FAT3: variants seen among roughly 807,000 people sequenced by gnomAD.
The protein encoded by FAT3 is FAT atypical cadherin 3, also known as protocadherin Fat 3.
In FAT3, 95 loss-of-function variants were observed where a neutral mutation model predicts 310.2. The ratio of observed to expected loss-of-function variants is 0.31; its 90% confidence interval spans 0.26 to 0.36. The LOEUF is 0.36. Among genes scored for constraint, FAT3 ranks in the 10% least tolerant of loss-of-function variants. The probability of loss-of-function intolerance (pLI) is 1.00; values close to 1 mark genes in which losing one functional copy is unlikely to be tolerated. For missense variants in FAT3, 5,408 were observed against 5,715.6 expected (o/e 0.95, Z 1.74); for synonymous variants, 2,314 against 2,192.9 (o/e 1.06, Z -1.54).
intron 2 of FAT3, among the ~76,000 whole-genome samples, chr11:92,490,924 A>G (rs527441880): frequency 1.3e-5 from 2 of 152,158 alleles, no homozygotes; most frequent in South Asian, 4.1e-4. Context: ...CTTAGGATCA[A>G]GGTCCAAGGT....
chr11:92,882,528 G>A (rs749693138), intron 23 of FAT3, among the ~76,000 whole-genome samples: 25 of 150,176 alleles, frequency 1.7e-4, no homozygotes, highest in Non-Finnish European at 3.4e-4. Flanking sequence ...ACACCTTAAG[G>A]CAAGGTGATG....
chr11:92,732,027 A>G (rs1294758616), intron 4 of FAT3, among the ~76,000 whole-genome samples: 1 of 152,008 alleles, frequency 6.6e-6, no homozygotes, highest in East Asian at 1.9e-4. Flanking sequence ...CTTCAGATTT[A>G]CTCTGTATTC....
In FAT3 at chr11:92,801,388, T is replaced by C. The variant is rs1947348743; in HGVS notation, c.8375T>C (p.Val2792Ala). The change falls in exon 10 of 28, where the codon GTA becomes GCA. Residue 2792 changes from valine to alanine, a missense_variant. Coordinates refer to ENST00000525166, the MANE Select transcript of FAT3 (RefSeq NM_001367949.2). ...GCAGCCACTATACCCCTGGACAAAG[T>C]AGACATTGTGTTTACTGTGGATGTA... ...KVAATIPLDK[V>A]DIVFTVDVDI... 2 of 1,613,844 alleles carry C rather than the reference T, an allele frequency of 1.2e-6. No individual in the cohort carries two copies. Among genetic ancestry groups the C allele is most frequent in the African/African-American group, 2.7e-5 (2 of 74,930 alleles).
chr11:92,459,023 T>TC (rs1951570900), intron 2 of FAT3, among the ~76,000 whole-genome samples: 1 of 152,140 alleles, frequency 6.6e-6, no homozygotes, highest in African/African-American at 2.4e-5. Context: ...TTTCTCCATA[T>TC]CAAAAAAGGC....
intron 2 of FAT3, among the ~76,000 whole-genome samples, chr11:92,370,434 CG>C (rs916829673): frequency 4.6e-5 from 7 of 152,164 alleles, no homozygotes; most frequent in Non-Finnish European, 8.8e-5. Flanking sequence ...CTCCTTCATG[CG>C]TGTTGGTCCT....
chr11:92,645,478 C>T (rs1246875795), intron 3 of FAT3, among the ~76,000 whole-genome samples: 1 of 136,238 alleles, frequency 7.3e-6, no homozygotes, highest in Non-Finnish European at 1.6e-5. Context: ...GCAAAGAAGA[C>T]ACTGCTTTTC....
intron 15 of FAT3, among the ~76,000 whole-genome samples, chr11:92,836,152 G>A (rs2136272584): frequency 6.6e-6 from 1 of 152,246 alleles, no homozygotes; most frequent in African/African-American, 2.4e-5. Flanking sequence ...GTGTGGGAAG[G>A]GGAACTTTCT....
chr11:92,875,054 G>A (rs1277406896), intron 22 of FAT3, among the ~76,000 whole-genome samples: 1 of 151,628 alleles, frequency 6.6e-6, no homozygotes, highest in African/African-American at 2.4e-5. Context: ...ATTAATAATA[G>A]GGCTAATACC....
chr11:92,878,612 ACAGGAGCAGGATGTTATGTGTT>A (rs1949591214), intron 22 of FAT3, among the ~76,000 whole-genome samples: 1 of 140,206 alleles, frequency 7.1e-6, no homozygotes, highest in Admixed American at 7.3e-5. Context: ...TAACCACAAC[ACAGGAGCAGGATGTTATGTGTT>A]AAAAAAAAAA....
At chr11:92,617,228 G>C (rs1042567729) in intron 3 of FAT3, among the ~76,000 whole-genome samples, 3 of 151,748 alleles carry the variant, frequency 2.0e-5, no homozygotes, top group Non-Finnish European at 2.9e-5. Flanking sequence ...TCATTCATTT[G>C]ATCTTCCATC....
At chr11:92,727,466 A>G (rs573476710) in intron 4 of FAT3, among the ~76,000 whole-genome samples, 1 of 152,306 alleles carries the variant, frequency 6.6e-6, no homozygotes, top group South Asian at 2.1e-4. Flanking sequence ...ATGGTATGAA[A>G]TGAGAGTGTC....
At chr11:92,685,605 A>C (rs926634377) in intron 3 of FAT3, among the ~76,000 whole-genome samples, 1 of 149,584 alleles carries the variant, frequency 6.7e-6, no homozygotes, top group East Asian at 1.9e-4. Flanking sequence ...ATATTTAATT[A>C]TTTATTATTA....
intron 22 of FAT3, among the ~76,000 whole-genome samples, chr11:92,879,785 T>G (rs1394941197): frequency 1.3e-5 from 2 of 152,110 alleles, no homozygotes; most frequent in Non-Finnish European, 1.5e-5. Context: ...ATCACAAAAA[T>G]AGTCAAATAC....
intron 3 of FAT3, among the ~76,000 whole-genome samples, chr11:92,536,446 A>C (rs1322688873): frequency 6.6e-6 from 1 of 152,176 alleles, no homozygotes; most frequent in Admixed American, 6.6e-5. Flanking sequence ...GATGTTGGGC[A>C]AGTGACTTCT....
At chr11:92,828,697 T>A (rs1383104473) in intron 13 of FAT3, among the ~76,000 whole-genome samples, 2 of 152,144 alleles carry the variant, frequency 1.3e-5, no homozygotes, top group Admixed American at 1.3e-4. Flanking sequence ...TAACAGAATC[T>A]GCCCGGAGGG....
intron 2 of FAT3, among the ~76,000 whole-genome samples, chr11:92,521,422 C>CA (rs1421558598): frequency 6.6e-6 from 1 of 152,134 alleles, no homozygotes; most frequent in African/African-American, 2.4e-5. Flanking sequence ...TCTTACCTTT[C>CA]AAGATTATCC....
At chr11:92,574,127 G>T (rs1054662193) in intron 3 of FAT3, among the ~76,000 whole-genome samples, 1 of 152,188 alleles carries the variant, frequency 6.6e-6, no homozygotes, top group Non-Finnish European at 1.5e-5. Flanking sequence ...GTTGAAAATA[G>T]TGTAGCCATG....
At chr11:92,738,864 C>G (rs2136019776) in intron 4 of FAT3, among the ~76,000 whole-genome samples, 1 of 152,270 alleles carries the variant, frequency 6.6e-6, no homozygotes, top group South Asian at 2.1e-4. Flanking sequence ...TCTTCACCAA[C>G]TTTCCTAGTC....
chr11:92,572,011 T>C (rs1198059115), intron 3 of FAT3, among the ~76,000 whole-genome samples: 1 of 152,232 alleles, frequency 6.6e-6, no homozygotes, highest in African/African-American at 2.4e-5. Context: ...GGTGTGGCTC[T>C]TACAGCCCTG....
Sources: allele counts gnomAD v4.1 joint callset (sites outside exome capture counted in the v4.1 genomes callset), GRCh38; gene constraint gnomAD v4.1.1; transcripts MANE v1.5; gene names NCBI Gene and HGNC (gene_info 2026-07-23, HGNC 2026-07-21).